ZNF385C: variants seen among roughly 807,000 people sequenced by gnomAD.
The protein encoded by ZNF385C is CTD-2132N18.2.
A neutral mutation model predicts 35.4 loss-of-function variants in ZNF385C; 28 were observed. The observed-to-expected ratio is 0.79, with a 90% confidence interval of 0.59 to 1.08. The LOEUF is 1.08. Among genes scored for constraint, ZNF385C ranks in the 50% least tolerant of loss-of-function variants. The pLI, the probability that ZNF385C is intolerant of heterozygous loss-of-function variation, is 0.00. For synonymous variants in ZNF385C, 248 were observed against 248.2 expected (o/e 1.00, Z 0.01); for missense variants, 605 against 595.6 (o/e 1.02, Z -0.16).
intron 1 of ZNF385C, among the ~76,000 whole-genome samples, chr17:42,089,035 C>A (rs1169018514): frequency 2.6e-5 from 4 of 152,160 alleles, no homozygotes; most frequent in Non-Finnish European, 5.9e-5. Flanking sequence ...GAACAGCCAC[C>A]TCACTGGTCT....
intron 1 of ZNF385C, among the ~76,000 whole-genome samples, chr17:42,088,639 C>T (rs1459136429): frequency 1.3e-5 from 2 of 152,224 alleles, no homozygotes; most frequent in East Asian, 3.9e-4. Context: ...CCAAGGGAAA[C>T]GCCCCAGTTC....
At chr17:42,091,328 A>G (rs1555660541) in intron 1 of ZNF385C, among the ~76,000 whole-genome samples, 2 of 152,088 alleles carry the variant, frequency 1.3e-5, no homozygotes, top group African/African-American at 4.8e-5. Flanking sequence ...GCTATTCGTG[A>G]GGCTCTGGAC....
chr17:42,079,589 C>T (rs1462120220), intron 1 of ZNF385C, among the ~76,000 whole-genome samples: 2 of 150,492 alleles, frequency 1.3e-5, no homozygotes, highest in African/African-American at 2.4e-5. Flanking sequence ...TCATTTGGGC[C>T]CAGGAGTTGA....
Position 42,043,304 on chromosome 17 carries a change from C to T in ZNF385C, c.251-5419G>A, listed in dbSNP as rs946382833. 43 of 1,232,134 alleles carry T rather than the reference C, an allele frequency of 3.5e-5. No homozygotes were observed. In the African/African-American group the frequency reaches 5.6e-4, roughly 16 times the overall value. The allele number at this position is 1,232,134 out of a possible 1,614,324, so 76.3% of individuals were successfully genotyped here. A position where few individuals can be genotyped will look rare whatever the true frequency, so the allele number is the denominator to read the frequency against. On this transcript the variant is annotated intron_variant, in intron 2 of 8. Transcript: ENST00000692273. Reference sequence around the variant, plus strand: ...CAGGTAAACTCCTCTTTCCAGTGCTCGTTGAAGTAACGCTTACACTTCTTG... The same window carrying T: ...CAGGTAAACTCCTCTTTCCAGTGCTTGTTGAAGTAACGCTTACACTTCTTG...
Position 42,037,801 on chromosome 17 carries a change from T to G in ZNF385C, c.335A>C (p.Lys112Thr). The G allele has an allele frequency of 6.5e-7, 1 of 1,529,344 alleles. No homozygotes were observed. Among genetic ancestry groups the G allele is most frequent in the Non-Finnish European group, 8.8e-7 (1 of 1,137,184 alleles). The allele number at this position is 1,529,344 out of a possible 1,614,324, so 94.7% of individuals were successfully genotyped here. The change falls in exon 3 of 9, where the codon AAG (lysine) becomes ACG (threonine). Residue 112 changes from lysine (K) to threonine (T), a missense_variant. By Grantham distance (78) the Lys-to-Thr change is moderately conservative. Transcript: ENST00000692273. ...ATTGAAGTGGAAGGCGAGCAAGTGC[T>G]TGAAGTCCAGCGGGGGCTGCAGAGG... ...TRPLQPPLDF[K>T]HLLAFHFNGA... is the part of the protein sequence containing the mutation.
intron 1 of ZNF385C, among the ~76,000 whole-genome samples, chr17:42,094,582 A>G (rs1555660842): frequency 2.0e-5 from 3 of 152,218 alleles, no homozygotes; most frequent in Admixed American, 6.5e-5. Flanking sequence ...GAGATAACAA[A>G]GGACAGGGTC....
intron 3 of ZNF385C, 33 bp downstream of exon 3, chr17:42,037,704 G>A (rs1555655609): frequency 6.7e-7 from 1 of 1,485,822 alleles, no homozygotes; most frequent in East Asian, 2.5e-5. Flanking sequence ...ACAAGCTTGT[G>A]TGCATGCCCC....
chr17:42,026,780 G>A lies in ZNF385C; in HGVS notation c.*117C>T, dbSNP rs1424581359. On this transcript the variant is annotated 3_prime_UTR_variant, in exon 9 of 9. Transcript: ENST00000692273. ...AACTAGCCCAGCTCTTTCTGGATCG[G>A]GCAGGACCCCTGAAGCTGTTCACAG... 2 of 1,026,790 alleles carry A rather than the reference G, an allele frequency of 1.9e-6. No individual in the cohort carries two copies. Among genetic ancestry groups the A allele is most frequent in the African/African-American group, 3.2e-5 (2 of 62,900 alleles). 63.6% of individuals were successfully genotyped at this position (1,026,790 alleles called of 1,614,324 possible).
At chr17:42,082,273 A>G (rs1555659783) in intron 1 of ZNF385C, among the ~76,000 whole-genome samples, 1 of 152,140 alleles carries the variant, frequency 6.6e-6, no homozygotes, top group Non-Finnish European at 1.5e-5. Flanking sequence ...TCGTGACCTC[A>G]GTGATCCGCT....
rs1555655019 is a variant in ZNF385C at position 42,031,705 on chromosome 17, C to T, written c.590G>A (p.Arg197Lys). 1 of 1,550,748 alleles carries T rather than the reference C, an allele frequency of 6.4e-7. No homozygotes were observed. Among genetic ancestry groups the T allele is most frequent in the South Asian group, 1.2e-5 (1 of 84,050 alleles). Residue 197 changes from arginine to lysine, a missense_variant, in exon 5 of 9, where the codon AGG becomes AAG. Arg to Lys is a conservative substitution (Grantham distance 26). Coordinates refer to ENST00000692273, the MANE Select transcript of ZNF385C (RefSeq NM_001392013.1). ...KAVEAAKSKQ[R>K]PHTQAQDGAV... The stretch of plus-strand genomic sequence containing the variant: ...CCCATCCTGGGCCTGGGTGTGTGGC[C>T]TCTGCTTGCTCTTGGCAGCCTCGAC...
At chr17:42,054,536 G>A (rs372443331) in intron 2 of ZNF385C, among the ~76,000 whole-genome samples, 34 of 151,542 alleles carry the variant, frequency 2.2e-4, no homozygotes, top group African/African-American at 7.7e-4. Flanking sequence ...CTATCTGGGC[G>A]ATGCCAGGAA....
rs1200556791 is a variant in ZNF385C, at chr17:42,050,228, C to A, written c.251-12343G>T. ...GCCTCAAACAGTATTCATGTGGCCC[C>A]AGAATGTGGGTCCCGAGCCTCCTCC... On this transcript the variant is annotated intron_variant, in intron 2 of 8. Coordinates refer to ENST00000692273, the MANE Select transcript of ZNF385C (RefSeq NM_001392013.1). This position sits in a 1 kb window ranked among gnomAD's most constrained non-coding sequence, Gnocchi z 5.6. Among the ~76,000 whole-genome samples the A allele has an allele frequency of 1.3e-5, 2 of 152,220 alleles. No individual in the cohort carries two copies. The highest frequency in any genetic ancestry group is 2.9e-5 in the Non-Finnish European group (2 of 68,032).
In ZNF385C at chr17:42,031,794, G is replaced by A. The variant is rs1450888191; in HGVS notation, c.511-10C>T. 3.2e-6 allele frequency: 5 copies of A among 1,550,064 alleles called. No individual in the cohort carries two copies. Among genetic ancestry groups the A allele is most frequent in the Non-Finnish European group, 4.4e-6 (5 of 1,146,814 alleles). On this transcript the variant is annotated splice_polypyrimidine_tract_variant and intron_variant, in intron 4 of 8. Coordinates refer to ENST00000692273, the MANE Select transcript of ZNF385C (RefSeq NM_001392013.1). Reference sequence around the variant, plus strand: ...GTGCCTCGGCCTGGTTCTGGGGAGGGGAGGGCAAGAGGTCACCATTCACTG... The same window carrying A: ...GTGCCTCGGCCTGGTTCTGGGGAGGAGAGGGCAAGAGGTCACCATTCACTG...
chr17:42,026,733 C>T lies in ZNF385C; in HGVS notation c.*164G>A. ...CTGCGAAAGGAGGGTGGGGACAGTC[C>T]TTGGAAGGCAGCTGCCCTTAAAACT... On this transcript the variant is annotated 3_prime_UTR_variant, in exon 9 of 9. Coordinates refer to ENST00000692273, the MANE Select transcript of ZNF385C (RefSeq NM_001392013.1). 1.4e-6 allele frequency: 1 copy of T among 732,320 alleles called. No individual in the cohort carries two copies. 45.4% of individuals were successfully genotyped at this position (732,320 alleles called of 1,614,324 possible). A position where few individuals can be genotyped will look rare whatever the true frequency, so the allele number is the denominator to read the frequency against.
At chr17:42,062,076 C>A in intron 2 of ZNF385C, 1 of 152,992 alleles carries the variant, frequency 6.5e-6, no homozygotes. Context: ...GTTGGCCTCC[C>A]CCAGGAGCCA....
chr17:42,046,315 A>G (rs1228184493), intron 2 of ZNF385C, among the ~76,000 whole-genome samples: 2 of 152,176 alleles, frequency 1.3e-5, no homozygotes, highest in African/African-American at 4.8e-5. Flanking sequence ...TGAAAGGGCC[A>G]GGCATGGTGG....
chr17:42,079,969 C>G (rs890790593), intron 1 of ZNF385C, among the ~76,000 whole-genome samples: 1 of 152,196 alleles, frequency 6.6e-6, no homozygotes, highest in South Asian at 2.1e-4. Flanking sequence ...AGGCAGCCAT[C>G]AATTTTTCCC....
chr17:42,039,589 G>C (rs1410400812), intron 2 of ZNF385C: 1 of 1,004,858 alleles, frequency 1.0e-6, no homozygotes, highest in African/African-American at 1.7e-5. Flanking sequence ...GATGGCCTCA[G>C]GCCCCTGGGA....
chr17:42,047,660 T>A (rs1299711008), intron 2 of ZNF385C, among the ~76,000 whole-genome samples: 1 of 146,708 alleles, frequency 6.8e-6, no homozygotes, highest in Non-Finnish European at 1.5e-5. Context: ...TCCTTGGGAC[T>A]TTTTTTTTTT....
Sources: gnomAD v4.1 joint callset for allele counts (sites outside exome capture counted in the v4.1 genomes callset) on GRCh38, gnomAD v4.1.1 for gene constraint, Gnocchi (gnomAD v3.1) non-coding constraint, MANE v1.5 for transcripts, NCBI Gene and HGNC (gene_info 2026-07-23, HGNC 2026-07-21) for gene names.